GLIS3: variants seen among roughly 807,000 people sequenced by gnomAD.
The protein encoded by GLIS3 is zinc finger protein GLIS3.
Under a neutral mutation model 78.6 loss-of-function variants are expected in GLIS3, and 53 were observed. The ratio of observed to expected loss-of-function variants is 0.67; its 90% CI spans 0.54 to 0.85. The LOEUF is 0.85. Ranked by LOEUF, GLIS3 falls within the 40% of genes least tolerant of loss-of-function variation. The probability of loss-of-function intolerance (pLI) is 0.00; values close to 1 mark genes in which losing one functional copy is unlikely to be tolerated. For missense variants in GLIS3, 1,703 were observed against 1,231.1 expected (o/e 1.38, Z -5.74); for synonymous variants, 684 against 509.9 (o/e 1.34, Z -4.60).
chr9:4,425,951 C>T, the GLIS3 span, among the ~76,000 whole-genome samples: 1 of 152,134 alleles, frequency 6.6e-6, no homozygotes, highest in Non-Finnish European at 1.5e-5. Flanking sequence ...ACTCTGTGCT[C>T]AGAACAGTGG....
At chr9:3,873,758 C>T (rs1368086000) in intron 8 of GLIS3, among the ~76,000 whole-genome samples, 1 of 152,068 alleles carries the variant, frequency 6.6e-6, no homozygotes, top group Non-Finnish European at 1.5e-5. Flanking sequence ...ATAAAAGTAC[C>T]TAGAATTCTA....
chr9:4,275,636 C>T (rs560916398), intron 2 of GLIS3, among the ~76,000 whole-genome samples: 10 of 151,804 alleles, frequency 6.6e-5, no homozygotes, highest in African/African-American at 2.2e-4. Context: ...GGTGATACAC[C>T]CCTGTGGTCT....
In GLIS3 at chr9:3,855,811, C is replaced by G; in HGVS notation, c.2473+198G>C. On this transcript the variant is annotated intron_variant, in intron 9 of 10. Coordinates refer to ENST00000381971, the MANE Select transcript of GLIS3 (RefSeq NM_001042413.2). ...CTGACCAGTGCGATGTGTCATAAATCATACCATCATCAGGCCAAAGTCAGG... is the reference window on the plus strand; with the variant it reads ...CTGACCAGTGCGATGTGTCATAAATGATACCATCATCAGGCCAAAGTCAGG... The G allele has an allele frequency of 6.3e-6, 4 of 636,952 alleles. No individual in the cohort carries two copies. The Admixed American group carries it at 6.9e-5, about 11-fold the overall frequency. 39.5% of individuals were successfully genotyped at this position (636,952 alleles called of 1,614,324 possible).
the GLIS3 span, among the ~76,000 whole-genome samples, chr9:4,487,178 T>G: frequency 1.3e-5 from 2 of 152,108 alleles, no homozygotes; most frequent in African/African-American, 4.8e-5. Flanking sequence ...TTTTGTATTT[T>G]TAGTAGAGAT....
At chr9:4,151,506 A>G (rs571648553) in intron 2 of GLIS3, among the ~76,000 whole-genome samples, 10 of 152,322 alleles carry the variant, frequency 6.6e-5, no homozygotes, top group Non-Finnish European at 1.3e-4. Context: ...ATTTAAGCAT[A>G]TGGAACTTGA....
the GLIS3 span, among the ~76,000 whole-genome samples, chr9:4,443,077 T>A: frequency 6.6e-6 from 1 of 152,136 alleles, no homozygotes; most frequent in East Asian, 1.9e-4. Context: ...GGTAGCAATT[T>A]CCCCATCCTT....
At chr9:4,375,454 G>A in the GLIS3 span, among the ~76,000 whole-genome samples, 1 of 152,154 alleles carries the variant, frequency 6.6e-6, no homozygotes, top group Non-Finnish European at 1.5e-5. Context: ...ATAAATGTAA[G>A]GTTTCTTCTG....
chr9:4,038,064 G>A (rs954174489), intron 4 of GLIS3, among the ~76,000 whole-genome samples: 1 of 152,136 alleles, frequency 6.6e-6, no homozygotes, highest in African/African-American at 2.4e-5. Flanking sequence ...TTTAATGAGG[G>A]AGAAGAACAT....
In GLIS3 at chr9:4,118,095, A is replaced by C; in HGVS notation, c.1383T>G (p.Pro461=). ...GGTGAAGGTGCGCATGGGCATGGTA[A>C]GGGGGTGGGGGGCCTGGGGGCGGCG... ...PLPPPPGPPP[P]YHAHAHLHHP... is the part of the protein sequence containing the mutation. Residue 461 remains proline (P), a synonymous_variant, in exon 4 of 11, where the codon CCT becomes CCG. Transcript: ENST00000381971. The surrounding 1 kb of genome is among the most constrained non-coding windows in gnomAD (Gnocchi z 4.7). 15 of 1,039,228 alleles carry C rather than the reference A, an allele frequency of 1.4e-5. No individual in the cohort carries two copies. Among genetic ancestry groups the C allele is most frequent in the East Asian group, 2.6e-5 (1 of 38,862 alleles). 64.4% of individuals were successfully genotyped at this position (1,039,228 alleles called of 1,614,324 possible).
At chr9:4,361,340 A>G in the GLIS3 span, among the ~76,000 whole-genome samples, 6 of 152,170 alleles carry the variant, frequency 3.9e-5, no homozygotes, top group African/African-American at 1.2e-4. Context: ...ATTGGCTGAA[A>G]TATCTCTTGC....
chr9:4,192,332 A>T lies in GLIS3; in HGVS notation c.389-66391T>A, dbSNP rs534678507. Among the ~76,000 whole-genome samples the T allele has an allele frequency of 7.9e-5, 12 of 152,336 alleles. 1 individual carries two copies. The South Asian group carries it at 2.5e-3, about 32-fold the overall frequency. On this transcript the variant is annotated intron_variant, in intron 2 of 10. Coordinates refer to ENST00000381971, the MANE Select transcript of GLIS3 (RefSeq NM_001042413.2). ...TAATAAAATGAAAAGGTGACACCTC[A>T]GTTATTTTCTAATTTTATTTCAGTG...
At chr9:4,123,954 C>T (rs1005966356) in intron 3 of GLIS3, 1 of 390,940 alleles carries the variant, frequency 2.6e-6, no homozygotes, top group Non-Finnish European at 4.5e-6. Context: ...CACTTCCATC[C>T]ACTCCCAGCA....
chr9:3,991,878 G>C (rs1427395733), intron 4 of GLIS3, among the ~76,000 whole-genome samples: 1 of 151,860 alleles, frequency 6.6e-6, no homozygotes, highest in East Asian at 1.9e-4. Context: ...TTTTAGTAGA[G>C]ACGGGGTTTC....
Position 3,829,346 on chromosome 9 carries a change from A to T in GLIS3, c.2620T>A (p.Phe874Ile), listed in dbSNP as rs1393421226. ...TSMGQASFDVFHRAFSTHSGI... is the reference protein window; with the variant it reads ...TSMGQASFDVIHRAFSTHSGI... ...GAGTGAGTCGAGAAGGCTCTGTGGA[A>T]AACATCAAAACTGGCCTGGCCCATG... is the stretch of plus-strand genomic sequence containing the variant. Residue 874 changes from phenylalanine to isoleucine, a missense_variant, in exon 10 of 11, where the codon TTC becomes ATC. Physicochemically the swap from Phe to Ile is conservative, Grantham distance 21 (BLOSUM62 0). Transcript: ENST00000381971. The T allele has an allele frequency of 1.2e-6, 2 of 1,614,000 alleles. No individual in the cohort carries two copies. Among genetic ancestry groups the T allele is most frequent in the Admixed American group, 3.3e-5 (2 of 60,008 alleles).
chr9:4,068,963 C>T (rs867989763), intron 4 of GLIS3, among the ~76,000 whole-genome samples: 4 of 151,860 alleles, frequency 2.6e-5, no homozygotes, highest in African/African-American at 7.3e-5. Context: ...AAAAATCAAC[C>T]GTAATGTAAC....
At position 4,160,107 on chromosome 9, in the gene GLIS3, G is replaced by C. The variant is rs536817164; in HGVS notation, c.389-34166C>G. Among the ~76,000 whole-genome samples, 5 of 152,324 alleles carry C rather than the reference G, an allele frequency of 3.3e-5. No homozygotes were observed. In the South Asian group the frequency reaches 1.0e-3, roughly 32 times the overall value. On this transcript the variant is annotated intron_variant, in intron 2 of 10. Coordinates refer to ENST00000381971, the MANE Select transcript of GLIS3 (RefSeq NM_001042413.2). ...CAGAGGAAAAGGAGATAGCCTGCTA[G>C]AAATACTTTCCACTCCACAAAATAT...
chr9:4,312,153 GTTTTTGTTTT>G (rs1338995611), intron 2 of GLIS3, among the ~76,000 whole-genome samples: 1 of 150,128 alleles, frequency 6.7e-6, no homozygotes, highest in Non-Finnish European at 1.5e-5. Context: ...TTTTGTTTTT[GTTTTTGTTTT>G]TTTAAAAGAA....
chr9:4,240,648 G>C (rs1823213250), intron 2 of GLIS3, among the ~76,000 whole-genome samples: 1 of 152,138 alleles, frequency 6.6e-6, no homozygotes, highest in Non-Finnish European at 1.5e-5. Flanking sequence ...AAAAAAGTTA[G>C]AAGAAATTCA....
chr9:3,933,121 T>G (rs1224833494), intron 5 of GLIS3, among the ~76,000 whole-genome samples: 2 of 152,080 alleles, frequency 1.3e-5, no homozygotes, highest in Non-Finnish European at 2.9e-5. Context: ...TTTTGGCTAT[T>G]CCATTTCCCC....
Sources: gnomAD v4.1 joint callset for allele counts (sites outside exome capture counted in the v4.1 genomes callset) on GRCh38, gnomAD v4.1.1 for gene constraint, Gnocchi (gnomAD v3.1) non-coding constraint, MANE v1.5 for transcripts, NCBI Gene and HGNC (gene_info 2026-07-23, HGNC 2026-07-21) for gene names.